The following C7orf25 variants were observed in gnomAD, a reference collection of about 807,000 sequenced individuals.
C7orf25 encodes UPF0415 protein C7orf25.
In C7orf25, 14 loss-of-function variants were observed where a neutral mutation model predicts 25.5. The ratio of observed to expected loss-of-function variants is 0.55; its 90% confidence interval spans 0.36 to 0.86. C7orf25 has a LOEUF of 0.86. Among genes scored for constraint, C7orf25 ranks in the 40% least tolerant of loss-of-function variants. The probability of loss-of-function intolerance (pLI) is 0.01; values close to 1 mark genes in which losing one functional copy is unlikely to be tolerated. For missense variants in C7orf25, 405 were observed against 493.9 expected, an observed-to-expected ratio of 0.82 and a Z score of 1.71; for synonymous variants, 184 against 179.9, an observed-to-expected ratio of 1.02 and a Z score of -0.18.
At chr7:42,911,403 C>G in intron 1 of C7orf25, 1 of 1,022,322 alleles carries the variant, frequency 9.8e-7, no homozygotes, top group African/African-American at 1.7e-5. Context: ...ACCTTTTCCT[C>G]CTTCCCGAGT....
rs937021939 is a variant in C7orf25 at position 42,910,115 on chromosome 7, G to C, written c.786C>G (p.Leu262=). 2 of 1,614,210 alleles carry C rather than the reference G, an allele frequency of 1.2e-6. No homozygotes were observed. The highest frequency in any genetic ancestry group is 1.7e-6 in the Non-Finnish European group (2 of 1,180,048). The change falls in exon 2 of 2, where the codon CTC becomes CTG. Residue 262 remains leucine, a synonymous_variant. Coordinates refer to ENST00000350427, the MANE Select transcript of C7orf25 (RefSeq NM_001099858.2). ...ITTLITYVSA[L]SYGGCHFIFK... ...AAATAAAGTGGCAGCCTCCATAGCT[G>C]AGGGCAGATACATATGTGATTAAAG...
At position 42,911,132 on chromosome 7, in the gene C7orf25, C is replaced by A. The variant is rs561929379; in HGVS notation, c.-21-211G>T. The A allele has an allele frequency of 3.4e-4, 291 of 851,928 alleles. 4 individuals are homozygous for A. In the South Asian group the frequency reaches 3.8e-3, roughly 11 times the overall value. The allele number at this position is 851,928 out of a possible 1,614,324, so 52.8% of individuals were successfully genotyped here. A position where few individuals can be genotyped will look rare whatever the true frequency, so the allele number is the denominator to read the frequency against. On this transcript the variant is annotated intron_variant, in intron 1 of 1. Transcript: ENST00000350427. The stretch of plus-strand genomic sequence containing the variant: ...ACACTTTTGAACTCTTCTTTAGGTA[C>A]GTCTGACACACTTTAGACCTTCATT...
Position 42,910,047 on chromosome 7 carries a change from T to G in C7orf25, c.854A>C (p.Lys285Thr). 1.2e-6 allele frequency: 2 copies of G among 1,614,190 alleles called. No individual in the cohort carries two copies. Among genetic ancestry groups the G allele is most frequent in the Non-Finnish European group, 1.7e-6 (2 of 1,180,036 alleles). ...CTCCAGCTGAGGTAGAACCTGCTCT[T>G]TCCTCTCTTGCTCTGCTTGTTCTGT... ...VLTEQAEQERKEQVLPQLEAF... is the reference protein window; with the variant it reads ...VLTEQAEQERTEQVLPQLEAF... Residue 285 changes from lysine to threonine, a missense_variant, in exon 2 of 2, where the codon AAA becomes ACA. Lys to Thr is a moderately conservative substitution (Grantham distance 78). Transcript: ENST00000350427.
At chr7:42,911,384 G>C in intron 1 of C7orf25, 1 of 1,063,930 alleles carries the variant, frequency 9.4e-7, no homozygotes, top group South Asian at 2.7e-5. Flanking sequence ...GAGCACTTCA[G>C]CCTCCCTAAC....
At position 42,909,792 on chromosome 7, in the gene C7orf25, G is replaced by C; in HGVS notation, c.1109C>G (p.Ala370Gly). The change falls in exon 2 of 2, where the codon GCC (alanine) becomes GGC (glycine). Residue 370 changes from alanine (A) to glycine (G), a missense_variant. Ala to Gly is a moderately conservative substitution (Grantham distance 60, BLOSUM62 0). Transcript: ENST00000350427. ...TIFGTGDTLK[A>G]ITMTANSGFV... Reference sequence around the variant, plus strand: ...ACCACTATTAGCAGTCATTGTGATGGCTTTTAGGGTGTCTCCCGTCCCAAA... The same window carrying C: ...ACCACTATTAGCAGTCATTGTGATGCCTTTTAGGGTGTCTCCCGTCCCAAA... 6.2e-7 allele frequency: 1 copy of C among 1,614,122 alleles called. No homozygotes were observed. Among genetic ancestry groups the C allele is most frequent in the Non-Finnish European group, 8.5e-7 (1 of 1,180,026 alleles).
chr7:42,910,520 A>C lies in C7orf25; in HGVS notation c.381T>G (p.Leu127=). The change falls in exon 2 of 2, where the codon CTT becomes CTG. Residue 127 remains leucine (L), a synonymous_variant. Transcript: ENST00000350427. ...GGCCCCTGCCCAGCCAGATGTTATG[A>C]AGAGCTTCAGCCTTCCGGCCAATGG... ...VKAIGRKAEA[L]HNIWLGRGQY... The C allele has an allele frequency of 6.2e-7, 1 of 1,614,238 alleles. No homozygotes were observed. Among genetic ancestry groups the C allele is most frequent in the Non-Finnish European group, 8.5e-7 (1 of 1,180,046 alleles).
At position 42,909,406 on chromosome 7, in the gene C7orf25, T is replaced by G; in HGVS notation, c.*229A>C. ...AGCTGAAAGCTTTATATAGACGTAT[T>G]TCGGTTCTTAATTGCACTAATGCAG... On this transcript the variant is annotated 3_prime_UTR_variant, in exon 2 of 2. Coordinates refer to ENST00000350427, the MANE Select transcript of C7orf25 (RefSeq NM_001099858.2). 2 of 487,960 alleles carry G rather than the reference T, an allele frequency of 4.1e-6. No homozygotes were observed. The highest frequency in any genetic ancestry group is 3.8e-5 in the Admixed American group (1 of 26,552). 30.2% of individuals were successfully genotyped at this position (487,960 alleles called of 1,614,324 possible).
chr7:42,911,449 C>T (rs1785892879), intron 1 of C7orf25: 1 of 1,005,270 alleles, frequency 9.9e-7, no homozygotes, highest in African/African-American at 1.7e-5. Flanking sequence ...TGATTTCCCC[C>T]GAGGCTTGGG....
Position 42,911,967 on chromosome 7 carries a change from C to T in C7orf25, c.-74G>A. On this transcript the variant is annotated 5_prime_UTR_variant, in exon 1 of 2. Transcript: ENST00000350427. ...CACGCAGGCGCGTGCACGCAGAGGC[C>T]GGGACCCGCCGGGAAATCTCAACCG... The T allele has an allele frequency of 6.7e-7, 1 of 1,495,740 alleles. No individual in the cohort carries two copies. Among genetic ancestry groups the T allele is most frequent in the South Asian group, 1.2e-5 (1 of 80,254 alleles). 92.7% of individuals were successfully genotyped at this position (1,495,740 alleles called of 1,614,324 possible).
chr7:42,911,781 CCGCGGCTCAGGGACCAGGCGCTGATAGCG>C (rs1785909624), intron 1 of C7orf25, 105 bp downstream of exon 1: 2 of 1,244,780 alleles, frequency 1.6e-6, no homozygotes, highest in African/African-American at 3.1e-5. Context: ...ACCGCCAGCG[CCGCGGCTCAGGGACCAGGCGCTGATAGCG>C]CGCGGCCGAC....
chr7:42,910,583 TACC>T lies in C7orf25; in HGVS notation c.315_317del (p.Val106del), dbSNP rs982324656. On this transcript the variant is annotated inframe_deletion, in exon 2 of 2. Transcript: ENST00000350427. ...TATGACCACCATTTGCAACTACATC[TACC>T]ACAAGGGTTTGCTTTTCTCCTAAGG... The T allele has an allele frequency of 1.2e-6, 2 of 1,614,070 alleles. No homozygotes were observed. The highest frequency in any genetic ancestry group is 1.7e-6 in the Non-Finnish European group (2 of 1,180,052).
In C7orf25 at chr7:42,910,028, C is replaced by A. The variant is rs187004552; in HGVS notation, c.873G>T (p.Gln291His). The change falls in exon 2 of 2, where the codon CAG becomes CAT. Residue 291 changes from glutamine to histidine, a missense_variant. By Grantham distance (24) the Gln-to-His change is conservative (BLOSUM62 0). Transcript: ENST00000350427. ...EQERKEQVLP[Q>H]LEAFMKDKEL... ...CCTTGTCCTTCATAAAGGCCTCCAG[C>A]TGAGGTAGAACCTGCTCTTTCCTCT... 6.2e-7 allele frequency: 1 copy of A among 1,614,162 alleles called. No homozygotes were observed. Among genetic ancestry groups the A allele is most frequent in the African/African-American group, 1.3e-5 (1 of 75,040 alleles).
intron 1 of C7orf25, 41 bp from the exon 2 acceptor site, chr7:42,910,962 A>G (rs751093098): frequency 3.1e-6 from 5 of 1,604,210 alleles, no homozygotes; most frequent in Non-Finnish European, 4.2e-6. Flanking sequence ...GTCTCCTAAA[A>G]TTATGACAAT....
intron 1 of C7orf25, 30 bp downstream of exon 1, chr7:42,911,885 G>C: frequency 7.1e-7 from 1 of 1,417,850 alleles, no homozygotes; most frequent in Non-Finnish European, 9.2e-7. Flanking sequence ...CCCGCTCCCA[G>C]CCTCCCCGCC....
rs142351460 is a variant in C7orf25, at chr7:42,910,643, A to G, written c.258T>C (p.Val86=). 2.5e-6 allele frequency: 4 copies of G among 1,614,150 alleles called. No individual in the cohort carries two copies. The East Asian group carries it at 6.7e-5, about 27-fold the overall frequency. ...TATAACCAAAGACATGAAGAACACT[A>G]ACAACTTCTTCCAGGTTTTCTGCTG... ...VESAENLEEV[V]SVLHVFGYTD... is the part of the protein sequence containing the mutation. The change falls in exon 2 of 2, where the codon GTT becomes GTC. Residue 86 remains valine, a synonymous_variant. Coordinates refer to ENST00000350427, the MANE Select transcript of C7orf25 (RefSeq NM_001099858.2).
Position 42,909,823 on chromosome 7 carries a change from T to C in C7orf25, c.1078A>G (p.Thr360Ala). ...AGGGTGTCTCCCGTCCCAAAAATTGTTAATGAGCGGCTATTAATTTTTGAA... is the reference window on the plus strand; with the variant it reads ...AGGGTGTCTCCCGTCCCAAAAATTGCTAATGAGCGGCTATTAATTTTTGAA... ...ASSKINSRSLTIFGTGDTLKA... is the reference protein window; with the variant it reads ...ASSKINSRSLAIFGTGDTLKA... The change falls in exon 2 of 2, where the codon ACA becomes GCA. Residue 360 changes from threonine (T) to alanine (A), a missense_variant. Transcript: ENST00000350427. 6.2e-7 allele frequency: 1 copy of C among 1,614,196 alleles called. No homozygotes were observed.
At position 42,909,780 on chromosome 7, in the gene C7orf25, GT is replaced by G; in HGVS notation, c.1120del (p.Thr374LeufsTer34). On this transcript the variant is annotated frameshift_variant, in exon 2 of 2. Coordinates refer to ENST00000350427, the MANE Select transcript of C7orf25 (RefSeq NM_001099858.2). LOFTEE classifies it high-confidence loss of function. ...AGCTCTGACAAAACCACTATTAGCA[GT>G]CATTGTGATGGCTTTTAGGGTGTCT... is the stretch of plus-strand genomic sequence containing the variant. Reference protein sequence around the residue: ...TGDTLKAITMTANSGFVRAAN... With the variant: ...TGDTLKAITMXANSGFVRAAN... 1 of 1,614,220 alleles carries G rather than the reference GT, an allele frequency of 6.2e-7. No individual in the cohort carries two copies. Among genetic ancestry groups the G allele is most frequent in the Non-Finnish European group, 8.5e-7 (1 of 1,180,050 alleles).
intron 1 of C7orf25, chr7:42,911,369 A>G (rs1205682230): frequency 9.0e-7 from 1 of 1,108,366 alleles, no homozygotes; most frequent in Non-Finnish European, 1.1e-6. Flanking sequence ...TGTCTGTCCT[A>G]AACTGAGCAC....
At chr7:42,911,194 C>T (rs1785885993) in intron 1 of C7orf25, 4 of 669,384 alleles carry the variant, frequency 6.0e-6, no homozygotes, top group Non-Finnish European at 2.5e-6. Flanking sequence ...CAGCATGGTC[C>T]TAGGTTAGGA....
Sources: gnomAD v4.1 joint callset for allele counts on GRCh38, gnomAD v4.1.1 for gene constraint, MANE v1.5 for transcripts, NCBI Gene and HGNC (gene_info 2026-07-23, HGNC 2026-07-21) for gene names.